Variants in FOXJ3 observed in about 807,000 individuals in gnomAD.
FOXJ3 encodes forkhead box protein J3.
A neutral mutation model predicts 76.1 loss-of-function variants in FOXJ3; 22 were observed. That is an observed-to-expected ratio of 0.29 (90% confidence interval 0.21 to 0.41). The LOEUF (loss-of-function observed/expected upper bound fraction) is 0.41. Ranked by LOEUF, FOXJ3 falls within the 10% of genes least tolerant of loss-of-function variation. The pLI, the probability that FOXJ3 is intolerant of heterozygous loss-of-function variation, is 1.00. For synonymous variants in FOXJ3, 269 were observed against 261.2 expected, an observed-to-expected ratio of 1.03 and a Z score of -0.29; for missense variants, 613 against 762.1, an observed-to-expected ratio of 0.80 and a Z score of 2.30.
intron 8 of FOXJ3, among the ~76,000 whole-genome samples, chr1:42,194,632 T>C (rs1029490678): frequency 6.6e-6 from 1 of 152,190 alleles, no homozygotes; most frequent in African/African-American, 2.4e-5. Context: ...AGATGCAGTG[T>C]CAGAATTCTT....
chr1:42,270,498 G>C (rs1301626352), intron 3 of FOXJ3, among the ~76,000 whole-genome samples: 4 of 152,058 alleles, frequency 2.6e-5, no homozygotes, highest in African/African-American at 9.7e-5. Context: ...ACTGAGATAC[G>C]AAAGCCAAGA....
intron 1 of FOXJ3, among the ~76,000 whole-genome samples, chr1:42,311,943 A>G (rs569730317): frequency 2.9e-4 from 44 of 152,326 alleles, no homozygotes; most frequent in African/African-American, 9.6e-4. Context: ...GGGTATCAAT[A>G]TTTTCATTGG....
intron 4 of FOXJ3, among the ~76,000 whole-genome samples, chr1:42,254,437 C>T (rs1373801841): frequency 1.1e-4 from 16 of 145,250 alleles, no homozygotes; most frequent in Non-Finnish European, 2.0e-4. Context: ...ACTAGAAATA[C>T]CATTTGACCC....
intron 4 of FOXJ3, among the ~76,000 whole-genome samples, chr1:42,236,646 T>C (rs1480148154): frequency 1.3e-5 from 2 of 152,382 alleles, no homozygotes; most frequent in East Asian, 3.9e-4. Context: ...CTCCTTTGCG[T>C]GACTCAGGAA....
intron 1 of FOXJ3, chr1:42,323,589 T>C (rs1655558698): frequency 1.2e-5 from 5 of 409,048 alleles, no homozygotes; most frequent in Non-Finnish European, 1.3e-5. Context: ...GCTTTTGTCA[T>C]CATCATAAGC....
chr1:42,227,342 C>T (rs1647655236), intron 5 of FOXJ3, among the ~76,000 whole-genome samples: 1 of 152,192 alleles, frequency 6.6e-6, no homozygotes, highest in Admixed American at 6.5e-5. Flanking sequence ...AAATAGACAA[C>T]TTAGGATATT....
intron 4 of FOXJ3, among the ~76,000 whole-genome samples, chr1:42,238,425 C>G (rs866907178): frequency 2.6e-5 from 4 of 152,350 alleles, no homozygotes; most frequent in Admixed American, 1.3e-4. Context: ...ACCACCACGG[C>G]AAGCTGACCT....
At chr1:42,279,024 CTT>C (rs1029435795) in intron 2 of FOXJ3, among the ~76,000 whole-genome samples, 7 of 152,152 alleles carry the variant, frequency 4.6e-5, no homozygotes, top group African/African-American at 1.7e-4. Context: ...CAGCCCAACT[CTT>C]TTACTCACCA....
chr1:42,296,692 C>T (rs958871613), intron 2 of FOXJ3, among the ~76,000 whole-genome samples: 5 of 152,216 alleles, frequency 3.3e-5, no homozygotes, highest in Admixed American at 1.3e-4. Context: ...CACTATCATG[C>T]TGCTTTAGTT....
chr1:42,330,688 T>A (rs1053554021), intron 1 of FOXJ3, among the ~76,000 whole-genome samples: 1 of 152,102 alleles, frequency 6.6e-6, no homozygotes, highest in African/African-American at 2.4e-5. Context: ...GTCAGTACAT[T>A]TTCCAGTCCC....
chr1:42,278,203 A>T (rs991328093), intron 3 of FOXJ3, 145 bp downstream of exon 3: 1 of 635,232 alleles, frequency 1.6e-6, no homozygotes, highest in African/African-American at 1.8e-5. Flanking sequence ...TATTCACCTA[A>T]GCTAAAAACT....
chr1:42,198,401 T>A (rs563758791), intron 7 of FOXJ3, among the ~76,000 whole-genome samples: 1 of 152,312 alleles, frequency 6.6e-6, no homozygotes, highest in East Asian at 1.9e-4. Context: ...TTTTTTCCTA[T>A]TTACTCATCC....
At chr1:42,204,055 AC>A (rs1289601924) in intron 6 of FOXJ3, among the ~76,000 whole-genome samples, 2 of 151,436 alleles carry the variant, frequency 1.3e-5, no homozygotes, top group Non-Finnish European at 2.9e-5. Context: ...CGGCTCTGCA[AC>A]CCCTGGCTCT....
chr1:42,301,137 A>C (rs1026671631), intron 2 of FOXJ3, among the ~76,000 whole-genome samples: 2 of 152,106 alleles, frequency 1.3e-5, no homozygotes, highest in African/African-American at 4.8e-5. Context: ...CTTCTGTAGA[A>C]TATCTATAAC....
At chr1:42,323,186 A>G (rs1442736927) in intron 1 of FOXJ3, among the ~76,000 whole-genome samples, 1 of 152,206 alleles carries the variant, frequency 6.6e-6, no homozygotes, top group Non-Finnish European at 1.5e-5. Context: ...AATATTTTCC[A>G]GAGGATTTCA....
Position 42,248,534 on chromosome 1 carries a change from CAAAAA to C in FOXJ3, c.444+16576_444+16580del, listed in dbSNP as rs4019586. Among the ~76,000 whole-genome samples the C allele has an allele frequency of 0.012, 1,568 of 135,946 alleles. 52 individuals carry two copies. In the East Asian group the frequency reaches 0.13, roughly 11 times the overall value. 89.2% of individuals were successfully genotyped at this position (135,946 alleles called of 152,430 possible). Reference sequence around the variant, plus strand: ...GGGCGACAGAGCAAGACTGCGTCTCCAAAAAAAAAAAAAAAAAAGACAACATTTAT... The same window carrying C: ...GGGCGACAGAGCAAGACTGCGTCTCCAAAAAAAAAAAAAGACAACATTTAT... On this transcript the variant is annotated intron_variant, in intron 4 of 12. Coordinates refer to ENST00000361346, the MANE Select transcript of FOXJ3 (RefSeq NM_014947.5).
intron 11 of FOXJ3, among the ~76,000 whole-genome samples, chr1:42,184,397 A>G (rs1646391926): frequency 6.6e-6 from 1 of 152,196 alleles, no homozygotes; most frequent in Non-Finnish European, 1.5e-5. Flanking sequence ...CATCTACATA[A>G]AAGTCTTAAC....
chr1:42,239,146 T>C (rs1648933259), intron 4 of FOXJ3, among the ~76,000 whole-genome samples: 1 of 152,216 alleles, frequency 6.6e-6, no homozygotes, highest in African/African-American at 2.4e-5. Flanking sequence ...TAAACTCACA[T>C]ATTATTTCTA....
intron 2 of FOXJ3, among the ~76,000 whole-genome samples, chr1:42,279,417 G>C (rs975727851): frequency 1.3e-5 from 2 of 152,160 alleles, no homozygotes; most frequent in Non-Finnish European, 2.9e-5. Context: ...TGGGAGTACA[G>C]AATCTAAGGC....
Sources: allele counts gnomAD v4.1 joint callset (sites outside exome capture counted in the v4.1 genomes callset), GRCh38; gene constraint gnomAD v4.1.1; transcripts MANE v1.5; gene names NCBI Gene and HGNC (gene_info 2026-07-23, HGNC 2026-07-21).